NKAIN3: variants seen among roughly 807,000 people sequenced by gnomAD.
NKAIN3 encodes sodium/potassium-transporting ATPase subunit beta-1-interacting protein 3.
Under a neutral mutation model 30.2 loss-of-function variants are expected in NKAIN3, and 25 were observed. The observed-to-expected ratio is 0.83, with a 90% confidence interval of 0.60 to 1.16. The LOEUF is 1.16. Among genes scored for constraint, NKAIN3 ranks in the 50% most tolerant of loss-of-function variants. NKAIN3 has a pLI of 0.00. For missense variants in NKAIN3, 225 were observed against 254.1 expected, an observed-to-expected ratio of 0.89 and a Z score of 0.78; for synonymous variants, 91 against 89.6, an observed-to-expected ratio of 1.02 and a Z score of -0.09.
chr8:62,846,327 CTT>C (rs1819687821), intron 4 of NKAIN3, among the ~76,000 whole-genome samples: 1 of 151,938 alleles, frequency 6.6e-6, no homozygotes, highest in Non-Finnish European at 1.5e-5. Flanking sequence ...TTATTTCCAA[CTT>C]TTATTTTAAG....
chr8:62,986,653 A>T (rs1226441936), downstream of NKAIN3, among the ~76,000 whole-genome samples: 1 of 152,246 alleles, frequency 6.6e-6, no homozygotes, highest in South Asian at 2.1e-4. Context: ...TAACTTAATC[A>T]TGTCTTTGCT....
At chr8:62,641,017 T>A (rs991004554) in intron 3 of NKAIN3, among the ~76,000 whole-genome samples, 10 of 152,084 alleles carry the variant, frequency 6.6e-5, no homozygotes, top group Non-Finnish European at 8.8e-5. Context: ...ATTTATTTTT[T>A]TTTTTTAGTC....
chr8:62,270,736 A>G (rs560901268), intron 1 of NKAIN3, among the ~76,000 whole-genome samples: 4 of 152,036 alleles, frequency 2.6e-5, no homozygotes, highest in Non-Finnish European at 5.9e-5. Context: ...TCTCCAACCC[A>G]TGGTAGCCAG....
At position 62,316,223 on chromosome 8, in the gene NKAIN3, T is replaced by C. The variant is rs576680061; in HGVS notation, c.54+67096T>C. Among the ~76,000 whole-genome samples, 16 of 152,264 alleles carry C rather than the reference T, an allele frequency of 1.1e-4. No homozygotes were observed. The South Asian group carries it at 3.1e-3, about 30-fold the overall frequency. On this transcript the variant is annotated intron_variant, in intron 1 of 6. Transcript: ENST00000623646. ...TTACCAAGTCTCGGGTATGTCTTTA[T>C]TGGCAGCATGAAAACGGACTAATAC...
intron 1 of NKAIN3, among the ~76,000 whole-genome samples, chr8:62,543,985 C>T (rs1993127): frequency 0.51 from 76,784 of 151,892 alleles, 20,154 homozygotes; most frequent in Non-Finnish European, 0.59. Flanking sequence ...GGAATTGCTG[C>T]TAATTTTGTG....
intron 1 of NKAIN3, among the ~76,000 whole-genome samples, chr8:62,449,617 T>C (rs1585820752): frequency 6.6e-6 from 1 of 152,252 alleles, no homozygotes; most frequent in East Asian, 1.9e-4. Flanking sequence ...CTTTGGTTCA[T>C]GTATACCTGA....
At chr8:62,588,905 G>C (rs1299427776) in intron 2 of NKAIN3, among the ~76,000 whole-genome samples, 1 of 151,780 alleles carries the variant, frequency 6.6e-6, no homozygotes, top group Non-Finnish European at 1.5e-5. Context: ...CCATTAGTTT[G>C]TCTGCATAAA....
chr8:62,755,653 AT>A, intron 4 of NKAIN3, among the ~76,000 whole-genome samples: 1 of 152,132 alleles, frequency 6.6e-6, no homozygotes, highest in East Asian at 1.9e-4. Context: ...CAGAAAATCT[AT>A]TTTTATATAA....
chr8:62,324,793 C>T (rs1186008820), intron 1 of NKAIN3, among the ~76,000 whole-genome samples: 1 of 152,054 alleles, frequency 6.6e-6, no homozygotes, highest in Non-Finnish European at 1.5e-5. Context: ...GTATCCTACC[C>T]GTGAGAATGA....
At chr8:62,797,404 T>C (rs1489048827) in intron 4 of NKAIN3, among the ~76,000 whole-genome samples, 2 of 152,156 alleles carry the variant, frequency 1.3e-5, no homozygotes, top group Non-Finnish European at 2.9e-5. Context: ...TCTACCAAAA[T>C]CTTGCAGATG....
intron 2 of NKAIN3, among the ~76,000 whole-genome samples, chr8:62,580,984 T>C (rs1224671925): frequency 6.7e-6 from 1 of 149,666 alleles, no homozygotes; most frequent in Non-Finnish European, 1.5e-5. Flanking sequence ...GGGCCTGTGG[T>C]CCCAGCTACT....
intron 4 of NKAIN3, among the ~76,000 whole-genome samples, chr8:62,883,457 G>GTTGTTTTTTTTT: frequency 0.071 from 4,911 of 69,418 alleles, 676 homozygotes; most frequent in African/African-American, 0.1. Context: ...AGTTTTATGG[G>GTTGTTTTTTTTT]TTTTTTTTTT....
chr8:62,852,787 G>C (rs1269683197), intron 4 of NKAIN3, among the ~76,000 whole-genome samples: 2 of 152,086 alleles, frequency 1.3e-5, no homozygotes, highest in Admixed American at 1.3e-4. Flanking sequence ...TTAATCCTGA[G>C]TTCTAGTTTG....
intron 1 of NKAIN3, among the ~76,000 whole-genome samples, chr8:62,408,048 G>T (rs1804129197): frequency 6.6e-6 from 1 of 152,166 alleles, no homozygotes; most frequent in Non-Finnish European, 1.5e-5. Flanking sequence ...ATATGTTACA[G>T]AGTGAGACCC....
chr8:62,442,921 A>G (rs1805372008), intron 1 of NKAIN3, among the ~76,000 whole-genome samples: 1 of 151,828 alleles, frequency 6.6e-6, no homozygotes. Context: ...TTTTCACTTG[A>G]TCAGTGAAAA....
intron 1 of NKAIN3, among the ~76,000 whole-genome samples, chr8:62,355,480 A>C (rs1299068681): frequency 6.6e-6 from 1 of 152,164 alleles, no homozygotes; most frequent in African/African-American, 2.4e-5. Flanking sequence ...GGTAGTTAAG[A>C]AGGAGATGGA....
intron 3 of NKAIN3, among the ~76,000 whole-genome samples, chr8:62,656,653 T>C (rs1812771958): frequency 6.6e-6 from 1 of 152,194 alleles, no homozygotes; most frequent in South Asian, 2.1e-4. Flanking sequence ...GTTTTGAATT[T>C]GCGAATTGCG....
chr8:62,878,172 G>A (rs919546163), intron 4 of NKAIN3, among the ~76,000 whole-genome samples: 6 of 152,068 alleles, frequency 3.9e-5, no homozygotes, highest in African/African-American at 1.2e-4. Flanking sequence ...ATACTAAGAG[G>A]AATTTTTAGT....
At chr8:62,903,154 G>A (rs564235529) in intron 4 of NKAIN3, among the ~76,000 whole-genome samples, 2 of 152,274 alleles carry the variant, frequency 1.3e-5, no homozygotes, top group South Asian at 4.1e-4. Flanking sequence ...TTTCTGTTGT[G>A]CATTTTTATG....
Sources: allele counts gnomAD v4.1 joint callset (sites outside exome capture counted in the v4.1 genomes callset), GRCh38; gene constraint gnomAD v4.1.1; transcripts MANE v1.5; gene names NCBI Gene and HGNC (gene_info 2026-07-23, HGNC 2026-07-21).